The following SSC5D variants were observed in gnomAD, a reference collection of about 807,000 sequenced individuals.
SSC5D encodes soluble scavenger receptor cysteine-rich domain-containing protein SSC5D.
A neutral mutation model predicts 104.6 loss-of-function variants in SSC5D; 106 were observed. That is an observed-to-expected ratio of 1.01 (90% CI 0.87 to 1.19). SSC5D has a LOEUF of 1.19. Ranked by LOEUF, SSC5D falls within the 50% of genes most tolerant of loss-of-function variation. The probability of loss-of-function intolerance (pLI) is 0.00; values close to 1 mark genes in which losing one functional copy is unlikely to be tolerated. For missense variants in SSC5D, 1,993 were observed against 2,153.8 expected, an observed-to-expected ratio of 0.93 and a Z score of 1.48; for synonymous variants, 860 against 883.5, an observed-to-expected ratio of 0.97 and a Z score of 0.47.
At position 55,503,148 on chromosome 19, in the gene SSC5D, C is replaced by T. The variant is rs1014260423; in HGVS notation, c.2785+1947C>T. ...TCGAGATGGGTTCTCACTATGTTGC[C>T]CAGGCTGGTCTCAAACTCTTGGGCT... is the stretch of plus-strand genomic sequence containing the variant. On this transcript the variant is annotated intron_variant, in intron 12 of 13. Coordinates refer to ENST00000389623, the MANE Select transcript of SSC5D (RefSeq NM_001144950.2). The surrounding 1 kb of genome is among the most constrained non-coding windows in gnomAD (Gnocchi z 4.0). Among the ~76,000 whole-genome samples the T allele has an allele frequency of 3.9e-5, 6 of 152,004 alleles. No homozygotes were observed. The highest frequency in any genetic ancestry group is 4.4e-5 in the Non-Finnish European group (3 of 67,998).
intron 12 of SSC5D, among the ~76,000 whole-genome samples, chr19:55,505,012 T>G (rs1987608166): frequency 6.6e-6 from 1 of 151,834 alleles, no homozygotes; most frequent in Non-Finnish European, 1.5e-5. Flanking sequence ...TCACACGTTT[T>G]GCTCCTTGGA....
chr19:55,490,675 C>T (rs1379720066), intron 5 of SSC5D, 97 bp from the exon 6 acceptor site: 29 of 1,351,710 alleles, frequency 2.1e-5, no homozygotes, highest in East Asian at 7.7e-5. Context: ...CTCAGGCCAC[C>T]GCTCCCTCAG....
In SSC5D at chr19:55,518,627, C is replaced by A; in HGVS notation, c.4351C>A (p.His1451Asn). ...LLSPTAHPLD[H>N]PPLDPLTLGP... ...TTCCCCCACAGCCCACCCCTTGGAT[C>A]ATCCTCCCCTTGACCCCCTCACCCT... The change falls in exon 14 of 14, where the codon CAT (histidine) becomes AAT (asparagine). Residue 1451 changes from histidine (H) to asparagine (N), a missense_variant. Transcript: ENST00000389623. The A allele has an allele frequency of 6.6e-7, 1 of 1,518,310 alleles. No individual in the cohort carries two copies. Among genetic ancestry groups the A allele is most frequent in the Non-Finnish European group, 8.9e-7 (1 of 1,128,236 alleles). 94.1% of individuals were successfully genotyped at this position (1,518,310 alleles called of 1,614,324 possible). A position where few individuals can be genotyped will look rare whatever the true frequency, so the allele number is the denominator to read the frequency against.
At chr19:55,504,193 G>A (rs965669852) in intron 12 of SSC5D, 2 of 1,533,620 alleles carry the variant, frequency 1.3e-6, no homozygotes, top group African/African-American at 2.7e-5. Context: ...CTAGCCCATA[G>A]CGCCCCCTCG....
intron 7 of SSC5D, 82 bp downstream of exon 7, chr19:55,493,994 G>GGC: frequency 1.4e-5 from 2 of 143,314 alleles, no homozygotes; most frequent in South Asian, 7.8e-5. Flanking sequence ...GGGCGGGGGG[G>GGC]TCCCTACGCG....
intron 12 of SSC5D, among the ~76,000 whole-genome samples, chr19:55,502,822 A>ATT (rs111917530): frequency 4.1e-5 from 6 of 146,136 alleles, no homozygotes; most frequent in African/African-American, 7.5e-5. Context: ...TGCCTGGCTA[A>ATT]TTTTTTTTTT....
chr19:55,501,283 T>C, intron 12 of SSC5D, 82 bp downstream of exon 12: 1 of 1,436,676 alleles, frequency 7.0e-7, no homozygotes, highest in Non-Finnish European at 9.2e-7. Flanking sequence ...GAAAGACCCT[T>C]CTCAATGAGC....
At chr19:55,504,287 C>A (rs1987591318) in intron 12 of SSC5D, 28 of 1,464,480 alleles carry the variant, frequency 1.9e-5, no homozygotes, top group Non-Finnish European at 2.5e-5. Context: ...GGTAGGGAGG[C>A]AGCCAATGAG....
At chr19:55,491,111 G>A in intron 6 of SSC5D, 31 bp downstream of exon 6, 2 of 1,530,958 alleles carry the variant, frequency 1.3e-6, no homozygotes, top group East Asian at 2.5e-5. Context: ...GCCCCCTCCT[G>A]TCTTCCTCAG....
At chr19:55,516,058 GTCAGGCTCCTCCTGCTAC>G (rs1231656100) in intron 13 of SSC5D, among the ~76,000 whole-genome samples, 1 of 152,074 alleles carries the variant, frequency 6.6e-6, no homozygotes, top group Non-Finnish European at 1.5e-5. Context: ...CCAGAAGAGG[GTCAGGCTCCTCCTGCTAC>G]TCAGGCCCAA....
chr19:55,495,233 ATTTT>A (rs74181759), intron 8 of SSC5D, among the ~76,000 whole-genome samples: 27 of 50,650 alleles, frequency 5.3e-4, no homozygotes, highest in African/African-American at 1.6e-3. Flanking sequence ...ATATATATAT[ATTTT>A]TTTTTTTTTT....
chr19:55,488,702 C>G, intron 1 of SSC5D, 88 bp downstream of exon 1: 1 of 1,221,844 alleles, frequency 8.2e-7, no homozygotes, highest in African/African-American at 1.5e-5. Context: ...ACTCAAACTT[C>G]CGGGACTGGT....
At chr19:55,488,758 C>A in intron 1 of SSC5D, 144 bp downstream of exon 1, 2 of 794,348 alleles carry the variant, frequency 2.5e-6, no homozygotes, top group South Asian at 1.6e-5. Context: ...AGGATCCCTG[C>A]TCAATCTGCC....
chr19:55,493,639 G>A lies in SSC5D; in HGVS notation c.940G>A (p.Ala314Thr), dbSNP rs1214010161. ...CCTGGCCGATGGCCCCCACGGGTGC[G>A]CCGGCCGCCTGGAGGTCTGGCACGG... ...LRLADGPHGC[A>T]GRLEVWHGGR... The change falls in exon 7 of 14, where the codon GCC becomes ACC. Residue 314 changes from alanine (A) to threonine (T), a missense_variant. Physicochemically the swap from Ala to Thr is moderately conservative, Grantham distance 58. Coordinates refer to ENST00000389623, the MANE Select transcript of SSC5D (RefSeq NM_001144950.2). The A allele has an allele frequency of 7.4e-6, 11 of 1,493,164 alleles. No individual in the cohort carries two copies. The Admixed American group carries it at 1.2e-4, about 16-fold the overall frequency. 92.5% of individuals were successfully genotyped at this position (1,493,164 alleles called of 1,614,324 possible).
Position 55,490,851 on chromosome 19 carries a change from A to G in SSC5D, c.666A>G (p.Val222=), listed in dbSNP as rs1987121151. The change falls in exon 6 of 14, where the codon GTA becomes GTG. Residue 222 remains valine (V), a synonymous_variant. Coordinates refer to ENST00000389623, the MANE Select transcript of SSC5D (RefSeq NM_001144950.2). ...GGCACGGCGGGCGCTGGGGCACCGT[A>G]TGTGACGATGGCTGGGACCTGCGCG... ...EVWHGGRWGT[V]CDDGWDLRDA... 1.3e-6 allele frequency: 2 copies of G among 1,547,068 alleles called. No individual in the cohort carries two copies. Among genetic ancestry groups the G allele is most frequent in the African/African-American group, 1.4e-5 (1 of 73,010 alleles).
At chr19:55,502,881 T>G (rs1452383851) in intron 12 of SSC5D, among the ~76,000 whole-genome samples, 1 of 151,972 alleles carries the variant, frequency 6.6e-6, no homozygotes, top group East Asian at 1.9e-4. Flanking sequence ...AGTGGCGTGG[T>G]CTCGGCTCAC....
At chr19:55,490,242 G>T in intron 4 of SSC5D, 56 bp from the exon 5 acceptor site, 1 of 674,464 alleles carries the variant, frequency 1.5e-6, no homozygotes. Context: ...TGGGCCCCCA[G>T]GTGGGAGGAA....
At chr19:55,507,308 C>A (rs1272218139) in intron 12 of SSC5D, among the ~76,000 whole-genome samples, 5 of 139,006 alleles carry the variant, frequency 3.6e-5, no homozygotes, top group African/African-American at 1.4e-4. Flanking sequence ...CAAGCCACTG[C>A]ACTGCAGCCT....
At position 55,489,863 on chromosome 19, in the gene SSC5D, C is replaced by T; in HGVS notation, c.362-19C>T. ...CCCCTCCTCTCCTCATAGCTTCTGT[C>T]CCTGCCCCCCCGCCGCAGGTCAGCG... is the stretch of plus-strand genomic sequence containing the variant. On this transcript the variant is annotated intron_variant, in intron 3 of 13. Coordinates refer to ENST00000389623, the MANE Select transcript of SSC5D (RefSeq NM_001144950.2). 2 of 1,543,162 alleles carry T rather than the reference C, an allele frequency of 1.3e-6. No individual in the cohort carries two copies. The highest frequency in any genetic ancestry group is 4.9e-5 in the East Asian group (2 of 40,884).
Sources: allele counts gnomAD v4.1 joint callset (sites outside exome capture counted in the v4.1 genomes callset), GRCh38; gene constraint gnomAD v4.1.1; non-coding constraint Gnocchi (gnomAD v3.1); transcripts MANE v1.5; gene names NCBI Gene and HGNC (gene_info 2026-07-23, HGNC 2026-07-21).